Variants in PAPLN observed in about 807,000 individuals in gnomAD.
PAPLN encodes the protein papilin.
In PAPLN, 146 loss-of-function variants were observed where a neutral mutation model predicts 159.0. The observed-to-expected ratio is 0.92, with a 90% CI of 0.80 to 1.05. PAPLN has a LOEUF of 1.05. PAPLN is among the 50% of genes least tolerant of loss of function. The probability of loss-of-function intolerance (pLI) is 0.00; values close to 1 mark genes in which losing one functional copy is unlikely to be tolerated. For missense variants in PAPLN, 1,720 were observed against 1,743.9 expected, an observed-to-expected ratio of 0.99 and a Z score of 0.24; for synonymous variants, 734 against 702.9, an observed-to-expected ratio of 1.04 and a Z score of -0.70.
In PAPLN at chr14:73,263,770, T is replaced by C. The variant is rs1252359084; in HGVS notation, c.2849T>C (p.Ile950Thr). The C allele has an allele frequency of 6.2e-7, 1 of 1,603,680 alleles. No individual in the cohort carries two copies. Among genetic ancestry groups the C allele is most frequent in the Admixed American group, 1.7e-5 (1 of 59,948 alleles). The change falls in exon 20 of 27, where the codon ATC (isoleucine) becomes ACC (threonine). Residue 950 changes from isoleucine (I) to threonine (T), a missense_variant. Coordinates refer to ENST00000644200, the MANE Select transcript of PAPLN (RefSeq NM_001365906.3). ...GCCTGGCAGAAAGATGGCCAGCCCA[T>C]CTCCTCTGACAGGTGGGTGAGAGTC... Reference protein sequence around the residue: ...QAAWQKDGQPISSDRHRLQFD... With the variant: ...QAAWQKDGQPTSSDRHRLQFD...
intron 5 of PAPLN, among the ~76,000 whole-genome samples, chr14:73,248,967 C>T (rs1884920052): frequency 6.6e-6 from 1 of 151,942 alleles, no homozygotes; most frequent in Admixed American, 6.6e-5. Context: ...CCTGTCTCTA[C>T]AAAAAATAAA....
chr14:73,255,410 C>A (rs763893282), intron 14 of PAPLN, among the ~76,000 whole-genome samples: 39 of 152,178 alleles, frequency 2.6e-4, no homozygotes, highest in Non-Finnish European at 4.9e-4. Flanking sequence ...ATAGAACTTA[C>A]CTGACACAGT....
At position 73,259,049 on chromosome 14, in the gene PAPLN, C is replaced by T; in HGVS notation, c.1698C>T (p.Ser566=). 6.2e-7 allele frequency: 1 copy of T among 1,610,984 alleles called. No individual in the cohort carries two copies. The highest frequency in any genetic ancestry group is 8.5e-7 in the Non-Finnish European group (1 of 1,178,630). ...GGATGCCGTTGGGCCCTCAGGAGTC[C>T]CCTGCCTCAGGTGAGAGCCTGGTCC... The part of the protein sequence containing the change: ...NPWMPLGPQE[S]PASDSRGQWW... The change falls in exon 15 of 27, where the codon TCC becomes TCT. Residue 566 remains serine, a synonymous_variant. Coordinates refer to ENST00000644200, the MANE Select transcript of PAPLN (RefSeq NM_001365906.3).
chr14:73,260,599 G>C, intron 16 of PAPLN, 110 bp from the exon 17 acceptor site: 2 of 1,320,764 alleles, frequency 1.5e-6, no homozygotes, highest in Admixed American at 2.9e-5. Flanking sequence ...CTCCCCCCCA[G>C]GTCCCCACCC....
At chr14:73,263,061 C>T (rs913654167) in intron 19 of PAPLN, 23 of 419,310 alleles carry the variant, frequency 5.5e-5, no homozygotes, top group African/African-American at 1.8e-4. Context: ...ATGGTGGCTC[C>T]GGGGTTCTCC....
intron 5 of PAPLN, 26 bp from the exon 6 acceptor site, chr14:73,249,958 C>CA: frequency 6.3e-7 from 1 of 1,579,098 alleles, no homozygotes; most frequent in Non-Finnish European, 8.6e-7. Context: ...CTCAGGATCT[C>CA]AGTCTTGCCT....
chr14:73,245,298 G>T lies in PAPLN; in HGVS notation c.171-338G>T, dbSNP rs933847869. On this transcript the variant is annotated intron_variant, in intron 3 of 26. Coordinates refer to ENST00000644200, the MANE Select transcript of PAPLN (RefSeq NM_001365906.3). The surrounding 1 kb of genome is among the most constrained non-coding windows in gnomAD (Gnocchi z 4.2). Reference sequence around the variant, plus strand: ...ATGATCCTAAGAGCCTTATACTGATGTCCTGCTTAGATCGCAGGATGGCTG... The same window carrying T: ...ATGATCCTAAGAGCCTTATACTGATTTCCTGCTTAGATCGCAGGATGGCTG... 8.9e-6 allele frequency: 3 copies of T among 336,660 alleles called. No homozygotes were observed. In the East Asian group the frequency reaches 2.0e-4, roughly 22 times the overall value. The allele number at this position is 336,660 out of a possible 1,614,324, so 20.9% of individuals were successfully genotyped here. A position where few individuals can be genotyped will look rare whatever the true frequency, so the allele number is the denominator to read the frequency against.
intron 14 of PAPLN, among the ~76,000 whole-genome samples, chr14:73,255,269 G>A (rs1885774010): frequency 6.6e-6 from 1 of 152,204 alleles, no homozygotes; most frequent in South Asian, 2.1e-4. Context: ...CCCATAGCAT[G>A]CTGTCATTTC....
Position 73,253,739 on chromosome 14 carries a change from T to A in PAPLN, c.1095-15T>A, listed in dbSNP as rs1348095061. The A allele has an allele frequency of 1.3e-6, 2 of 1,581,006 alleles. No individual in the cohort carries two copies. Among genetic ancestry groups the A allele is most frequent in the African/African-American group, 2.7e-5 (2 of 74,260 alleles). ...TGCTCCTGGGCCAGCCTTACCTGAT[T>A]CCCCCTCCTGCCAGCTGGAAGGCAG... On this transcript the variant is annotated splice_polypyrimidine_tract_variant and intron_variant, in intron 11 of 26. Transcript: ENST00000644200.
intron 12 of PAPLN, among the ~76,000 whole-genome samples, chr14:73,254,217 G>A (rs558214482): frequency 1.3e-5 from 2 of 152,304 alleles, no homozygotes; most frequent in Admixed American, 1.3e-4. Flanking sequence ...GTTGTTTGGG[G>A]GCAAGGGAGG....
Position 73,261,206 on chromosome 14 carries a change from C to T in PAPLN, c.2157C>T (p.Cys719=), listed in dbSNP as rs898590420. The change falls in exon 18 of 27, where the codon TGC becomes TGT. Residue 719 remains cysteine (C), a synonymous_variant. Coordinates refer to ENST00000644200, the MANE Select transcript of PAPLN (RefSeq NM_001365906.3). ...PQAQQNEPSE[C]RGSQFGCCYD... ...CCCAGCAGAATGAGCCCAGTGAGTGCCGGGGCTCCCAGTTTGGCTGTTGCT... is the reference window on the plus strand; with the variant it reads ...CCCAGCAGAATGAGCCCAGTGAGTGTCGGGGCTCCCAGTTTGGCTGTTGCT... 2 of 1,614,070 alleles carry T rather than the reference C, an allele frequency of 1.2e-6. No individual in the cohort carries two copies. The highest frequency in any genetic ancestry group is 1.7e-5 in the Admixed American group (1 of 60,024).
Position 73,259,131 on chromosome 14 carries a change from G to A in PAPLN, c.1708+72G>A, listed in dbSNP as rs774852633. ...GTCTGAGTGGATGGTACATGGGGGT[G>A]TGGGGGTCACAGTTGGGTGCAGCCA... On this transcript the variant is annotated intron_variant, in intron 15 of 26. Coordinates refer to ENST00000644200, the MANE Select transcript of PAPLN (RefSeq NM_001365906.3). 2.1e-4 allele frequency: 327 copies of A among 1,542,868 alleles called. 1 individual carries two copies. Among genetic ancestry groups the A allele is most frequent in the Admixed American group, 4.1e-4 (21 of 51,178 alleles).
chr14:73,247,307 C>G (rs1199744829), intron 5 of PAPLN, among the ~76,000 whole-genome samples: 1 of 152,180 alleles, frequency 6.6e-6, no homozygotes, highest in East Asian at 1.9e-4. Flanking sequence ...CAGGTAAGCA[C>G]CAACATGTAT....
chr14:73,259,603 G>A (rs1886332074), intron 16 of PAPLN, 58 bp downstream of exon 16: 11 of 1,431,670 alleles, frequency 7.7e-6, no homozygotes, highest in South Asian at 4.5e-5. Context: ...GTGGGACCCC[G>A]TGGGTGGGCC....
chr14:73,251,675 G>T lies in PAPLN; in HGVS notation c.682G>T (p.Val228Phe), dbSNP rs1230725017. The change falls in exon 9 of 27, where the codon GTT becomes TTT. Residue 228 changes from valine (V) to phenylalanine (F), a missense_variant. By Grantham distance (50) the Val-to-Phe change is conservative (BLOSUM62 -1). Transcript: ENST00000644200. ...TCTCCTCTGCGCAGCTGTGAAGAAT[G>T]TTCGTGGGGAATACTACCTCAATGG... is the stretch of plus-strand genomic sequence containing the variant. ...ASRNFLAVKN[V>F]RGEYYLNGHW... 6.2e-7 allele frequency: 1 copy of T among 1,613,558 alleles called. No individual in the cohort carries two copies. Among genetic ancestry groups the T allele is most frequent in the Admixed American group, 1.7e-5 (1 of 60,020 alleles).
intron 5 of PAPLN, among the ~76,000 whole-genome samples, chr14:73,248,106 T>TGCGCGC (rs1555361147): frequency 0.039 from 3,052 of 78,494 alleles, 227 homozygotes; most frequent in Middle Eastern, 0.091. Context: ...TGTGTGTGTG[T>TGCGCGC]GCGCGTGTGT....
chr14:73,268,573 C>G lies in PAPLN; in HGVS notation c.3517C>G (p.Gln1173Glu), dbSNP rs1887433747. Residue 1173 changes from glutamine (Q) to glutamate (E), a missense_variant, in exon 26 of 27, where the codon CAG becomes GAG. Physicochemically the swap from Gln to Glu is conservative, Grantham distance 29. Transcript: ENST00000644200. The stretch of plus-strand genomic sequence containing the variant: ...CTCCTCCAGGAACGGGCTACCTGTG[C>G]AGGCTGATGGCCACCGTGTCCACCA... ...IRWSRNGLPV[Q>E]ADGHRVHQSP... The G allele has an allele frequency of 6.2e-7, 1 of 1,612,720 alleles. No individual in the cohort carries two copies. Among genetic ancestry groups the G allele is most frequent in the Non-Finnish European group, 8.5e-7 (1 of 1,179,304 alleles).
At position 73,249,558 on chromosome 14, in the gene PAPLN, C is replaced by T. The variant is rs149241171; in HGVS notation, c.335-426C>T. Among the ~76,000 whole-genome samples the T allele has an allele frequency of 7.1e-3, 1,078 of 151,602 alleles. 18 individuals are homozygous for T. Among genetic ancestry groups the T allele is most frequent in the African/African-American group, 0.025 (1,018 of 41,232 alleles). Reference sequence around the variant, plus strand: ...GTGTGGTGGCGCGTGCCTGTAGTCCCGGCTACTAGGGGGGCTGAGGCAGGA... The same window carrying T: ...GTGTGGTGGCGCGTGCCTGTAGTCCTGGCTACTAGGGGGGCTGAGGCAGGA... On this transcript the variant is annotated intron_variant, in intron 5 of 26. Transcript: ENST00000644200.
rs1398260941 is a variant in PAPLN, at chr14:73,263,672, G to A, written c.2751G>A (p.Ser917=). The part of the protein sequence containing the change: ...YRISLAGVEP[S]LVQAALGQLV... ...TTAGCTTGGCAGGTGTGGAGCCCTC[G>A]TTGGTGCAGGCAGCCCTGGGGCAGT... Residue 917 remains serine, a synonymous_variant, in exon 20 of 27, where the codon TCG becomes TCA. Transcript: ENST00000644200. The A allele has an allele frequency of 1.5e-5, 25 of 1,613,584 alleles. No homozygotes were observed. Among genetic ancestry groups the A allele is most frequent in the East Asian group, 2.2e-5 (1 of 44,902 alleles).
Sources: allele counts gnomAD v4.1 joint callset (sites outside exome capture counted in the v4.1 genomes callset), GRCh38; gene constraint gnomAD v4.1.1; non-coding constraint Gnocchi (gnomAD v3.1); transcripts MANE v1.5; gene names NCBI Gene and HGNC (gene_info 2026-07-23, HGNC 2026-07-21).